Variants in MCPH1 observed in about 807,000 individuals in gnomAD.
The protein encoded by MCPH1 is microcephalin.
Under a neutral mutation model 84.5 loss-of-function variants are expected in MCPH1, and 104 were observed. That is an observed-to-expected ratio of 1.23 (90% CI 1.05 to 1.45). MCPH1 has a LOEUF of 1.45. Among genes scored for constraint, MCPH1 ranks in the 40% most tolerant of loss-of-function variants. MCPH1 has a pLI of 0.00. For synonymous variants in MCPH1, 514 were observed against 366.8 expected, an observed-to-expected ratio of 1.40 and a Z score of -4.58; for missense variants, 1,498 against 1,005.7, an observed-to-expected ratio of 1.49 and a Z score of -6.62.
At chr8:6,609,827 C>CA (rs1554476356) in intron 12 of MCPH1, among the ~76,000 whole-genome samples, 2 of 126,160 alleles carry the variant, frequency 1.6e-5, no homozygotes, top group Non-Finnish European at 3.8e-5. Flanking sequence ...CCGCCCCCCC[C>CA]CCACACACAG....
chr8:6,622,881 C>T (rs1356693264), intron 13 of MCPH1, among the ~76,000 whole-genome samples: 1 of 152,128 alleles, frequency 6.6e-6, no homozygotes, highest in African/African-American at 2.4e-5. Flanking sequence ...CGCTCTGTCA[C>T]CCAGGATGGA....
At chr8:6,423,177 T>G (rs1442417776) in intron 3 of MCPH1, among the ~76,000 whole-genome samples, 1 of 133,670 alleles carries the variant, frequency 7.5e-6, no homozygotes, top group East Asian at 2.1e-4. Flanking sequence ...TTTTGGCATT[T>G]TTCTTTTCTT....
intron 8 of MCPH1, chr8:6,447,083 G>C (rs1348808079): frequency 1.0e-6 from 1 of 985,312 alleles, no homozygotes; most frequent in African/African-American, 1.7e-5. Flanking sequence ...ACAGTCACCT[G>C]CCTTCATGCC....
At chr8:6,544,066 A>T (rs751910627) in intron 12 of MCPH1, among the ~76,000 whole-genome samples, 8 of 152,260 alleles carry the variant, frequency 5.3e-5, no homozygotes, top group Non-Finnish European at 1.0e-4. Flanking sequence ...AACAATATTC[A>T]ATACCTAGAT....
At chr8:6,495,726 G>A (rs946739855) in intron 11 of MCPH1, among the ~76,000 whole-genome samples, 96 of 152,290 alleles carry the variant, frequency 6.3e-4, no homozygotes, top group Non-Finnish European at 1.2e-4. Flanking sequence ...GGTGGATGGA[G>A]GAGATAGTGG....
intron 12 of MCPH1, among the ~76,000 whole-genome samples, chr8:6,580,706 C>T (rs1827500735): frequency 6.6e-6 from 1 of 152,050 alleles, no homozygotes; most frequent in Non-Finnish European, 1.5e-5. Context: ...TGGAGAAGGA[C>T]TCGGACAAAT....
At chr8:6,554,744 G>A (rs2515499) in intron 12 of MCPH1, among the ~76,000 whole-genome samples, 1 of 152,104 alleles carries the variant, frequency 6.6e-6, no homozygotes, top group African/African-American at 2.4e-5. Flanking sequence ...ACCATCAGAG[G>A]AGCCCTCGGA....
At chr8:6,496,947 AT>A (rs1396273843) in intron 11 of MCPH1, among the ~76,000 whole-genome samples, 5 of 151,816 alleles carry the variant, frequency 3.3e-5, no homozygotes, top group Non-Finnish European at 7.4e-5. Context: ...CCCTCTTTAA[AT>A]TTTTTTTGAG....
intron 13 of MCPH1, among the ~76,000 whole-genome samples, chr8:6,628,527 C>T (rs1796925667): frequency 7.6e-6 from 1 of 131,412 alleles, no homozygotes; most frequent in Non-Finnish European, 1.6e-5. Flanking sequence ...TCCTAGAATA[C>T]AGGAGTCAGC....
intron 12 of MCPH1, among the ~76,000 whole-genome samples, chr8:6,518,077 C>G (rs1816622604): frequency 6.6e-6 from 1 of 151,764 alleles, no homozygotes; most frequent in Non-Finnish European, 1.5e-5. Context: ...TTCAGTTATT[C>G]TGGGGGCCAT....
intron 4 of MCPH1, among the ~76,000 whole-genome samples, chr8:6,432,134 C>G (rs927131100): frequency 6.6e-6 from 1 of 152,182 alleles, no homozygotes; most frequent in Admixed American, 6.5e-5. Context: ...TCCCGTATAC[C>G]TAAGAAAGAA....
At chr8:6,626,578 T>C in intron 13 of MCPH1, 1 of 978,770 alleles carries the variant, frequency 1.0e-6, no homozygotes, top group Non-Finnish European at 1.2e-6. Flanking sequence ...CCCTAGGAAA[T>C]AAAATGTTAC....
chr8:6,628,085 A>G (rs1259079226), intron 13 of MCPH1, among the ~76,000 whole-genome samples: 1 of 152,074 alleles, frequency 6.6e-6, no homozygotes, highest in African/African-American at 2.4e-5. Flanking sequence ...TTATCTTTGA[A>G]ACTTCCTAAC....
At chr8:6,521,299 G>T (rs1299096980) in intron 12 of MCPH1, 3 of 1,613,750 alleles carry the variant, frequency 1.9e-6, no homozygotes, top group South Asian at 2.2e-5. Flanking sequence ...GTTCTTCAAT[G>T]ATGGAATTTT....
chr8:6,632,834 A>G lies in MCPH1; in HGVS notation c.2453-10160A>G, dbSNP rs1797267672. Among the ~76,000 whole-genome samples, 3 of 152,214 alleles carry G rather than the reference A, an allele frequency of 2.0e-5. No individual in the cohort carries two copies. In the South Asian group the frequency reaches 6.2e-4, roughly 32 times the overall value. On this transcript the variant is annotated intron_variant, in intron 13 of 13. Coordinates refer to ENST00000344683, the MANE Select transcript of MCPH1 (RefSeq NM_024596.5). ...AGAAGAAGAAAAGAAAAAAAAACTCAGAAATAAGATATTTCATCAAGTCAA... is the reference window on the plus strand; with the variant it reads ...AGAAGAAGAAAAGAAAAAAAAACTCGGAAATAAGATATTTCATCAAGTCAA...
intron 11 of MCPH1, among the ~76,000 whole-genome samples, chr8:6,491,773 A>T (rs1030834029): frequency 3.3e-5 from 5 of 152,036 alleles, no homozygotes; most frequent in African/African-American, 1.2e-4. Flanking sequence ...GATGGTTTCC[A>T]GCTTCATCCA....
At chr8:6,445,985 T>C in intron 8 of MCPH1, 2 of 980,490 alleles carry the variant, frequency 2.0e-6, no homozygotes, top group Non-Finnish European at 2.4e-6. Flanking sequence ...CCATCGATTG[T>C]ATCATAGAGA....
intron 3 of MCPH1, among the ~76,000 whole-genome samples, chr8:6,429,380 C>T (rs1218457362): frequency 6.6e-6 from 1 of 152,056 alleles, no homozygotes; most frequent in Non-Finnish European, 1.5e-5. Flanking sequence ...TTCAGCCTTC[C>T]ACCCTCTGCC....
At chr8:6,474,259 C>T in intron 9 of MCPH1, 1 of 577,774 alleles carries the variant, frequency 1.7e-6, no homozygotes, top group Non-Finnish European at 3.2e-6. Flanking sequence ...CTAAATCACC[C>T]ACATTAATGT....
Sources: allele counts gnomAD v4.1 joint callset (sites outside exome capture counted in the v4.1 genomes callset), GRCh38; gene constraint gnomAD v4.1.1; transcripts MANE v1.5; gene names NCBI Gene and HGNC (gene_info 2026-07-23, HGNC 2026-07-21).